The following ATF6 variants were observed in gnomAD, a reference collection of about 807,000 sequenced individuals.
ATF6 encodes activating transcription factor 6.
In ATF6, 53 loss-of-function variants were observed where a neutral mutation model predicts 83.6. The observed-to-expected ratio is 0.63, with a 90% confidence interval of 0.51 to 0.80. The LOEUF (loss-of-function observed/expected upper bound fraction) is 0.80. ATF6 is among the 30% of genes least tolerant of loss of function. The probability of loss-of-function intolerance (pLI) is 0.00; values close to 1 mark genes in which losing one functional copy is unlikely to be tolerated. For synonymous variants in ATF6, 288 were observed against 285.8 expected (o/e 1.01, Z -0.08); for missense variants, 744 against 797.9 (o/e 0.93, Z 0.81).
At chr1:161,847,834 T>C (rs1333173260) in intron 10 of ATF6, among the ~76,000 whole-genome samples, 1 of 152,106 alleles carries the variant, frequency 6.6e-6, no homozygotes, top group Non-Finnish European at 1.5e-5. Context: ...AAGTTATGGA[T>C]TGAATGCTTG....
At chr1:161,935,404 T>G (rs1688517587) in intron 15 of ATF6, among the ~76,000 whole-genome samples, 1 of 152,202 alleles carries the variant, frequency 6.6e-6, no homozygotes, top group Non-Finnish European at 1.5e-5. Context: ...TTCTGCCATT[T>G]GAAGACACAG....
chr1:161,943,373 T>G (rs951425267), intron 15 of ATF6, among the ~76,000 whole-genome samples: 1 of 152,196 alleles, frequency 6.6e-6, no homozygotes, highest in Non-Finnish European at 1.5e-5. Flanking sequence ...TCTGCCATGA[T>G]TGTAAGTTTC....
intron 14 of ATF6, among the ~76,000 whole-genome samples, chr1:161,893,441 C>T (rs1488304798): frequency 6.6e-6 from 1 of 152,216 alleles, no homozygotes; most frequent in East Asian, 1.9e-4. Flanking sequence ...GCTGGGATTA[C>T]AGGCGTGAGC....
At chr1:161,771,506 T>C (rs915762875) in intron 1 of ATF6, among the ~76,000 whole-genome samples, 5 of 152,230 alleles carry the variant, frequency 3.3e-5, no homozygotes, top group Non-Finnish European at 5.9e-5. Flanking sequence ...TTCACTGCTA[T>C]TCTCCTTTCC....
chr1:161,852,610 T>C (rs943698202), intron 11 of ATF6, among the ~76,000 whole-genome samples: 7 of 152,146 alleles, frequency 4.6e-5, no homozygotes, highest in African/African-American at 1.7e-4. Context: ...TATTTTGTTT[T>C]GTTTTATTTT....
At chr1:161,842,902 A>G (rs1686391873) in intron 9 of ATF6, among the ~76,000 whole-genome samples, 1 of 152,246 alleles carries the variant, frequency 6.6e-6, no homozygotes, top group Admixed American at 6.5e-5. Context: ...ACAATCACAA[A>G]TATGGCAGGC....
Position 161,791,102 on chromosome 1 carries a change from G to C in ATF6, c.355-306G>C, listed in dbSNP as rs868586586. The stretch of plus-strand genomic sequence containing the variant: ...TGTGTGTCTCTGTGTGTGTGTGTGT[G>C]TCTCTGTGTGTGTGTGTGTGTGTGT... On this transcript the variant is annotated intron_variant, in intron 4 of 15. Transcript: ENST00000367942. Among the ~76,000 whole-genome samples the C allele has an allele frequency of 3.2e-3, 340 of 107,870 alleles. 1 individual carries two copies. Among genetic ancestry groups the C allele is most frequent in the Middle Eastern group, 8.8e-3 (2 of 226 alleles). The allele number at this position is 107,870 out of a possible 152,430, so 70.8% of individuals were successfully genotyped here.
intron 9 of ATF6, among the ~76,000 whole-genome samples, chr1:161,831,041 T>C (rs1571169726): frequency 6.6e-6 from 1 of 151,946 alleles, no homozygotes; most frequent in African/African-American, 2.4e-5. Context: ...ATTTTTGCAA[T>C]CTACTCGTCT....
chr1:161,882,545 C>T (rs1263247034), intron 14 of ATF6, among the ~76,000 whole-genome samples: 1 of 152,030 alleles, frequency 6.6e-6, no homozygotes, highest in African/African-American at 2.4e-5. Flanking sequence ...CATATACATA[C>T]TCTATGCATT....
chr1:161,889,136 T>C (rs978573554), intron 14 of ATF6, among the ~76,000 whole-genome samples: 1 of 152,278 alleles, frequency 6.6e-6, no homozygotes, highest in Admixed American at 6.5e-5. Flanking sequence ...CACAGATTGC[T>C]GCCTTGTTAG....
In ATF6 at chr1:161,883,283, T is replaced by G. The variant is rs535591966; in HGVS notation, c.1719+19971T>G. Among the ~76,000 whole-genome samples, 6 of 152,128 alleles carry G rather than the reference T, an allele frequency of 3.9e-5. No homozygotes were observed. The South Asian group carries it at 1.2e-3, about 32-fold the overall frequency. ...GAGCTCTTCCAAACAGAAAGATAGC[T>G]AGAATCTCTCTCAATAGTCTATATA... is the stretch of plus-strand genomic sequence containing the variant. On this transcript the variant is annotated intron_variant, in intron 14 of 15. Transcript: ENST00000367942.
chr1:161,934,961 TA>T (rs1688509377), intron 15 of ATF6, among the ~76,000 whole-genome samples: 1 of 152,208 alleles, frequency 6.6e-6, no homozygotes, highest in African/African-American at 2.4e-5. Context: ...GACCTTTCAT[TA>T]CAGATAATCT....
intron 1 of ATF6, among the ~76,000 whole-genome samples, chr1:161,775,624 A>G (rs1684497874): frequency 1.3e-5 from 2 of 152,112 alleles, no homozygotes; most frequent in South Asian, 4.1e-4. Context: ...CTGAGAATTC[A>G]TTCATATTGG....
At chr1:161,841,525 T>C (rs545725332) in intron 9 of ATF6, among the ~76,000 whole-genome samples, 1 of 152,330 alleles carries the variant, frequency 6.6e-6, no homozygotes, top group South Asian at 2.1e-4. Flanking sequence ...GCAGAATTTA[T>C]TAATATATTA....
intron 14 of ATF6, among the ~76,000 whole-genome samples, chr1:161,903,432 T>C (rs1687827561): frequency 6.6e-6 from 1 of 152,190 alleles, no homozygotes; most frequent in Admixed American, 6.5e-5. Flanking sequence ...AGAGTTTGGA[T>C]TGGTCATGTG....
rs1689108311 is a variant in ATF6 at position 161,961,882 on chromosome 1, C to T, written c.*3228C>T. 6.6e-6 allele frequency: 1 copy of T among 152,164 alleles called. No homozygotes were observed. The highest frequency in any genetic ancestry group is 6.5e-5 in the Admixed American group (1 of 15,276). The allele number at this position is 152,164 out of a possible 1,614,324, so 9.4% of individuals were successfully genotyped here. A position where few individuals can be genotyped will look rare whatever the true frequency, so the allele number is the denominator to read the frequency against. On this transcript the variant is annotated 3_prime_UTR_variant, in exon 16 of 16. Coordinates refer to ENST00000367942, the MANE Select transcript of ATF6 (RefSeq NM_007348.4). ...TGTTTCCTCATGTTAACTACTGAATCAGATGTTAGGAGCTTGTCCCTTTGG... is the reference window on the plus strand; with the variant it reads ...TGTTTCCTCATGTTAACTACTGAATTAGATGTTAGGAGCTTGTCCCTTTGG...
intron 4 of ATF6, among the ~76,000 whole-genome samples, chr1:161,791,090 GTGTGTGTGTGTGTCTC>G (rs1471510905): frequency 2.5e-4 from 35 of 141,534 alleles, no homozygotes; most frequent in Non-Finnish European, 3.3e-4. Flanking sequence ...GTGTCTCTGT[GTGTGTGTGTGTGTCTC>G]TGTGTGTGTG....
At chr1:161,888,540 T>C (rs1251873255) in intron 14 of ATF6, among the ~76,000 whole-genome samples, 1 of 152,180 alleles carries the variant, frequency 6.6e-6, no homozygotes, top group Admixed American at 6.5e-5. Context: ...ATAAAAATTC[T>C]TTCCCCAGGT....
chr1:161,889,110 A>G (rs1687494595), intron 14 of ATF6, among the ~76,000 whole-genome samples: 1 of 152,248 alleles, frequency 6.6e-6, no homozygotes, highest in Admixed American at 6.5e-5. Context: ...TTGGGACTGA[A>G]CATACTTGTC....
Sources: allele counts gnomAD v4.1 joint callset (sites outside exome capture counted in the v4.1 genomes callset), GRCh38; gene constraint gnomAD v4.1.1; transcripts MANE v1.5; gene names NCBI Gene and HGNC (gene_info 2026-07-23, HGNC 2026-07-21).